Variants in ADRA2C observed in about 807,000 individuals in gnomAD.
The protein encoded by ADRA2C is adrenoceptor alpha 2C.
In ADRA2C, 4 loss-of-function variants were observed where a neutral mutation model predicts 7.9. The observed-to-expected ratio is 0.51, with a 90% CI of 0.25 to 1.16. ADRA2C has a LOEUF of 1.16. ADRA2C is among the 50% of genes most tolerant of loss of function. The pLI is 0.15. For synonymous variants in ADRA2C, 368 were observed against 328.9 expected (o/e 1.12, Z -1.29); for missense variants, 589 against 677.7 (o/e 0.87, Z 1.45).
chr4:3,768,203 C>G lies in ADRA2C; in HGVS notation c.*208C>G, dbSNP rs1398451015. 26 of 723,994 alleles carry G rather than the reference C, an allele frequency of 3.6e-5. No homozygotes were observed. Among genetic ancestry groups the G allele is most frequent in the Non-Finnish European group, 6.4e-5 (25 of 392,692 alleles). 44.8% of individuals were successfully genotyped at this position (723,994 alleles called of 1,614,324 possible). A position where few individuals can be genotyped will look rare whatever the true frequency, so the allele number is the denominator to read the frequency against. ...GGGGGAGACCCCTTTGCCTTCCCCCCTCAGCAAGGGGCTGCTTCTGGGGCT... is the reference window on the plus strand; with the variant it reads ...GGGGGAGACCCCTTTGCCTTCCCCCGTCAGCAAGGGGCTGCTTCTGGGGCT... On this transcript the variant is annotated 3_prime_UTR_variant, in exon 1 of 1. Transcript: ENST00000330055.
rs1368161967 is a variant in ADRA2C, at chr4:3,766,593, C to G, written c.-14C>G. ...CCCGGCTCCAGGAGGGACGGCGTAG[C>G]TCGCGGGAGGACCATGGCGTCCCCG... On this transcript the variant is annotated 5_prime_UTR_variant, in exon 1 of 1. Transcript: ENST00000330055. This position sits in a 1 kb window ranked among gnomAD's most constrained non-coding sequence, Gnocchi z 4.5. 1 of 1,169,894 alleles carries G rather than the reference C, an allele frequency of 8.5e-7. No homozygotes were observed. Among genetic ancestry groups the G allele is most frequent in the South Asian group, 4.2e-5 (1 of 23,882 alleles). 72.5% of individuals were successfully genotyped at this position (1,169,894 alleles called of 1,614,324 possible).
In ADRA2C at chr4:3,766,610, G is replaced by C. The variant is rs1735446536; in HGVS notation, c.4G>C (p.Ala2Pro). ...CGGCGTAGCTCGCGGGAGGACCATG[G>C]CGTCCCCGGCGCTGGCGGCGGCGCT... M[A>P]SPALAAALAV... Residue 2 changes from alanine to proline, a missense_variant, in exon 1 of 1, where the codon GCG (alanine) becomes CCG (proline). Ala to Pro is a conservative substitution (Grantham distance 27). Coordinates refer to ENST00000330055, the MANE Select transcript of ADRA2C (RefSeq NM_000683.4). This position sits in a 1 kb window ranked among gnomAD's most constrained non-coding sequence, Gnocchi z 4.5. 2 of 1,187,628 alleles carry C rather than the reference G, an allele frequency of 1.7e-6. No individual in the cohort carries two copies. The highest frequency in any genetic ancestry group is 9.2e-5 in the Admixed American group (2 of 21,770). 73.6% of individuals were successfully genotyped at this position (1,187,628 alleles called of 1,614,324 possible). A position where few individuals can be genotyped will look rare whatever the true frequency, so the allele number is the denominator to read the frequency against.
rs1419612247 is a variant in ADRA2C, at chr4:3,767,374, G to A, written c.768G>A (p.Ala256=). 1.3e-6 allele frequency: 2 copies of A among 1,539,912 alleles called. No homozygotes were observed. Among genetic ancestry groups the A allele is most frequent in the African/African-American group, 1.4e-5 (1 of 73,114 alleles). Residue 256 remains alanine, a synonymous_variant, in exon 1 of 1, where the codon GCG becomes GCA. Transcript: ENST00000330055. Reference sequence around the variant, plus strand: ...GCGCCCCCGTGGGCCCCGACGGTGCGTCCCCGACTACCGAAAACGGGCTGG... The same window carrying A: ...GCGCCCCCGTGGGCCCCGACGGTGCATCCCCGACTACCGAAAACGGGCTGG... ...EKRAPVGPDG[A]SPTTENGLGA... is the part of the protein sequence containing the mutation.
Position 3,768,155 on chromosome 4 carries a change from C to A in ADRA2C, c.*160C>A. ...GGAGCTTGGCAGAGAGATAGCCGGGCTCCAGGGAGTGGGGAGGAGAGAGGG... is the reference window on the plus strand; with the variant it reads ...GGAGCTTGGCAGAGAGATAGCCGGGATCCAGGGAGTGGGGAGGAGAGAGGG... On this transcript the variant is annotated 3_prime_UTR_variant, in exon 1 of 1. Transcript: ENST00000330055. The A allele has an allele frequency of 1.3e-6, 1 of 762,538 alleles. No homozygotes were observed. The highest frequency in any genetic ancestry group is 1.6e-5 in the South Asian group (1 of 63,446). The allele number at this position is 762,538 out of a possible 1,614,324, so 47.2% of individuals were successfully genotyped here.
Position 3,768,057 on chromosome 4 carries a change from C to A in ADRA2C, c.*62C>A. 2 of 292,938 alleles carry A rather than the reference C, an allele frequency of 6.8e-6. No homozygotes were observed. Among genetic ancestry groups the A allele is most frequent in the Non-Finnish European group, 5.0e-6 (1 of 198,076 alleles). 18.1% of individuals were successfully genotyped at this position (292,938 alleles called of 1,614,324 possible). On this transcript the variant is annotated 3_prime_UTR_variant, in exon 1 of 1. Transcript: ENST00000330055. ...TCGGGGCTGGGCAGAAGGGGCGGCC[C>A]GGACGGGGGAGCTTTCCCAGAGACC... is the stretch of plus-strand genomic sequence containing the variant.
At position 3,766,536 on chromosome 4, in the gene ADRA2C, G is replaced by C. The variant is rs1014638069; in HGVS notation, c.-71G>C. The C allele has an allele frequency of 2.7e-4, 278 of 1,042,570 alleles. 2 individuals are homozygous for C. The African/African-American group carries it at 3.0e-3, about 11-fold the overall frequency. 64.6% of individuals were successfully genotyped at this position (1,042,570 alleles called of 1,614,324 possible). On this transcript the variant is annotated 5_prime_UTR_variant, in exon 1 of 1. Coordinates refer to ENST00000330055, the MANE Select transcript of ADRA2C (RefSeq NM_000683.4). This position sits in a 1 kb window ranked among gnomAD's most constrained non-coding sequence, Gnocchi z 4.5. ...GGCGGCGATGCGGGCGCCGACCCCGGCTGGGGGGCGCCCGAGCTGCCGCGG... is the reference window on the plus strand; with the variant it reads ...GGCGGCGATGCGGGCGCCGACCCCGCCTGGGGGGCGCCCGAGCTGCCGCGG...
At position 3,768,508 on chromosome 4, in the gene ADRA2C, A is replaced by C. The variant is rs1735511391; in HGVS notation, c.*513A>C. 1 of 575,704 alleles carries C rather than the reference A, an allele frequency of 1.7e-6. No homozygotes were observed. The highest frequency in any genetic ancestry group is 3.2e-6 in the Non-Finnish European group (1 of 315,680). The allele number at this position is 575,704 out of a possible 1,614,324, so 35.7% of individuals were successfully genotyped here. ...CCAAAACAACCAAACTATTTTCTAA[A>C]TAAACCTTTGTAATCTAATGTTGGG... On this transcript the variant is annotated 3_prime_UTR_variant, in exon 1 of 1. Transcript: ENST00000330055.
In ADRA2C at chr4:3,766,585, C is replaced by T. The variant is rs1160638286; in HGVS notation, c.-22C>T. ...GGCTGCGCCCCGGCTCCAGGAGGGA[C>T]GGCGTAGCTCGCGGGAGGACCATGG... On this transcript the variant is annotated 5_prime_UTR_variant, in exon 1 of 1. It adds an upstream start codon to the 5' untranslated region. Transcript: ENST00000330055. This position sits in a 1 kb window ranked among gnomAD's most constrained non-coding sequence, Gnocchi z 4.5. 1 of 1,159,896 alleles carries T rather than the reference C, an allele frequency of 8.6e-7. No individual in the cohort carries two copies. Among genetic ancestry groups the T allele is most frequent in the African/African-American group, 1.6e-5 (1 of 61,536 alleles). 71.9% of individuals were successfully genotyped at this position (1,159,896 alleles called of 1,614,324 possible). A position where few individuals can be genotyped will look rare whatever the true frequency, so the allele number is the denominator to read the frequency against.
chr4:3,767,727 A>G lies in ADRA2C; in HGVS notation c.1121A>G (p.Gln374Arg), dbSNP rs1269270569. 6.2e-7 allele frequency: 1 copy of G among 1,611,660 alleles called. No individual in the cohort carries two copies. ...AGCGTGTGCCGCCGCAAGGTGGCCCAGGCGCGCGAGAAGCGCTTCACCTTT... is the reference window on the plus strand; with the variant it reads ...AGCGTGTGCCGCCGCAAGGTGGCCCGGGCGCGCGAGAAGCGCTTCACCTTT... ...RSSVCRRKVA[Q>R]AREKRFTFVL... The change falls in exon 1 of 1, where the codon CAG becomes CGG. Residue 374 changes from glutamine (Q) to arginine (R), a missense_variant. Gln to Arg is a conservative substitution (Grantham distance 43). Coordinates refer to ENST00000330055, the MANE Select transcript of ADRA2C (RefSeq NM_000683.4).
Position 3,767,379 on chromosome 4 carries a change from C to A in ADRA2C, c.773C>A (p.Pro258Gln). Residue 258 changes from proline (P) to glutamine (Q), a missense_variant, in exon 1 of 1, where the codon CCG becomes CAG. Physicochemically the swap from Pro to Gln is moderately conservative, Grantham distance 76. Coordinates refer to ENST00000330055, the MANE Select transcript of ADRA2C (RefSeq NM_000683.4). The part of the protein sequence containing the change: ...RAPVGPDGAS[P>Q]TTENGLGAAA... Reference sequence around the variant, plus strand: ...CCCGTGGGCCCCGACGGTGCGTCCCCGACTACCGAAAACGGGCTGGGCGCG... The same window carrying A: ...CCCGTGGGCCCCGACGGTGCGTCCCAGACTACCGAAAACGGGCTGGGCGCG... The A allele has an allele frequency of 2.6e-6, 4 of 1,538,838 alleles. No individual in the cohort carries two copies. Among genetic ancestry groups the A allele is most frequent in the Non-Finnish European group, 3.5e-6 (4 of 1,146,364 alleles).
In ADRA2C at chr4:3,767,119, C is replaced by T; in HGVS notation, c.513C>T (p.Thr171=). ...LKRTPRRVKA[T]IVAVWLISAV... ...GCACACCACGCCGCGTCAAGGCCAC[C>T]ATCGTGGCCGTGTGGCTCATCTCGG... The change falls in exon 1 of 1, where the codon ACC becomes ACT. Residue 171 remains threonine, a synonymous_variant. Coordinates refer to ENST00000330055, the MANE Select transcript of ADRA2C (RefSeq NM_000683.4). The T allele has an allele frequency of 6.2e-7, 1 of 1,609,142 alleles. No individual in the cohort carries two copies. Among genetic ancestry groups the T allele is most frequent in the Non-Finnish European group, 8.5e-7 (1 of 1,179,854 alleles).
chr4:3,767,788 C>T lies in ADRA2C; in HGVS notation c.1182C>T (p.Cys394=), dbSNP rs1735489095. The change falls in exon 1 of 1, where the codon TGC becomes TGT. Residue 394 remains cysteine (C), a synonymous_variant. Transcript: ENST00000330055. The stretch of plus-strand genomic sequence containing the variant: ...TGGTCATGGGCGTGTTCGTGCTCTG[C>T]TGGTTCCCCTTCTTCTTCAGCTACA... ...LAVVMGVFVL[C]WFPFFFSYSL... The T allele has an allele frequency of 6.2e-7, 1 of 1,613,296 alleles. No homozygotes were observed. The highest frequency in any genetic ancestry group is 8.5e-7 in the Non-Finnish European group (1 of 1,179,858).
chr4:3,768,403 G>C lies in ADRA2C; in HGVS notation c.*408G>C. On this transcript the variant is annotated 3_prime_UTR_variant, in exon 1 of 1. Transcript: ENST00000330055. ...TGACTTCTCCAGGACCTAGTCGGGG[G>C]GTGGCTGCCAGGGGGCAAGGAGAAA... is the stretch of plus-strand genomic sequence containing the variant. 3.2e-6 allele frequency: 2 copies of C among 630,360 alleles called. No homozygotes were observed. Among genetic ancestry groups the C allele is most frequent in the Admixed American group, 5.5e-5 (2 of 36,112 alleles). 39.0% of individuals were successfully genotyped at this position (630,360 alleles called of 1,614,324 possible).
In ADRA2C at chr4:3,766,858, G is replaced by A. The variant is rs1008653401; in HGVS notation, c.252G>A (p.Ala84=). The change falls in exon 1 of 1, where the codon GCG becomes GCA. Residue 84 remains alanine, a synonymous_variant. Transcript: ENST00000330055. The surrounding 1 kb of genome is among the most constrained non-coding windows in gnomAD (Gnocchi z 4.5). The part of the protein sequence containing the change: ...IAVLTSRALR[A]PQNLFLVSLA... ...TGCTGACCAGCCGGGCGCTGCGCGC[G>A]CCACAGAACCTCTTCCTGGTGTCGC... is the stretch of plus-strand genomic sequence containing the variant. The A allele has an allele frequency of 3.8e-6, 6 of 1,599,864 alleles. No individual in the cohort carries two copies. The highest frequency in any genetic ancestry group is 1.3e-5 in the African/African-American group (1 of 74,652).
At position 3,768,199 on chromosome 4, in the gene ADRA2C, C is replaced by T. The variant is rs1388520150; in HGVS notation, c.*204C>T. 4 of 725,794 alleles carry T rather than the reference C, an allele frequency of 5.5e-6. No individual in the cohort carries two copies. Among genetic ancestry groups the T allele is most frequent in the Non-Finnish European group, 1.0e-5 (4 of 394,660 alleles). The allele number at this position is 725,794 out of a possible 1,614,324, so 45.0% of individuals were successfully genotyped here. On this transcript the variant is annotated 3_prime_UTR_variant, in exon 1 of 1. Coordinates refer to ENST00000330055, the MANE Select transcript of ADRA2C (RefSeq NM_000683.4). ...GAGAGGGGGAGACCCCTTTGCCTTC[C>T]CCCCTCAGCAAGGGGCTGCTTCTGG...
In ADRA2C at chr4:3,767,009, T is replaced by C. The variant is rs764847505; in HGVS notation, c.403T>C (p.Cys135Arg). Residue 135 changes from cysteine to arginine, a missense_variant, in exon 1 of 1, where the codon TGC becomes CGC. Physicochemically the swap from Cys to Arg is radical, Grantham distance 180 (BLOSUM62 -3). Transcript: ENST00000330055. ...GVYLALDVLF[C>R]TSSIVHLCAI... ...GTACCTGGCGCTCGATGTGCTGTTT[T>C]GCACCTCGTCGATCGTGCATCTGTG... 6.2e-7 allele frequency: 1 copy of C among 1,611,522 alleles called. No individual in the cohort carries two copies. Among genetic ancestry groups the C allele is most frequent in the East Asian group, 2.2e-5 (1 of 44,854 alleles).
At position 3,766,523 on chromosome 4, in the gene ADRA2C, GGC is replaced by G; in HGVS notation, c.-81_-80del. ...CGCCCGAGCAGCAGGCGGCGATGCGGGCGCCGACCCCGGCTGGGGGGCGCCCG... is the reference window on the plus strand; with the variant it reads ...CGCCCGAGCAGCAGGCGGCGATGCGGGCCGACCCCGGCTGGGGGGCGCCCG... On this transcript the variant is annotated 5_prime_UTR_variant, in exon 1 of 1. An upstream open reading frame in the 5' UTR loses its in-frame stop. Transcript: ENST00000330055. The surrounding 1 kb of genome is among the most constrained non-coding windows in gnomAD (Gnocchi z 4.5). 1 of 981,642 alleles carries G rather than the reference GGC, an allele frequency of 1.0e-6. No homozygotes were observed. Among genetic ancestry groups the G allele is most frequent in the Non-Finnish European group, 1.2e-6 (1 of 820,896 alleles). 60.8% of individuals were successfully genotyped at this position (981,642 alleles called of 1,614,324 possible).
Position 3,767,623 on chromosome 4 carries a change from G to T in ADRA2C, c.1017G>T (p.Pro339=), listed in dbSNP as rs1439302469. The change falls in exon 1 of 1, where the codon CCG becomes CCT. Residue 339 remains proline (P), a synonymous_variant. Coordinates refer to ENST00000330055, the MANE Select transcript of ADRA2C (RefSeq NM_000683.4). ...ESGALTASRS[P]GPGGRLSRAS... ...GGGCGCTGACCGCCTCCAGGTCCCC[G>T]GGGCCCGGTGGCCGCCTGTCGCGCG... The T allele has an allele frequency of 3.7e-6, 5 of 1,354,394 alleles. 1 individual carries two copies. Among genetic ancestry groups the T allele is most frequent in the Middle Eastern group, 5.0e-4 (2 of 3,994 alleles). The allele number at this position is 1,354,394 out of a possible 1,614,324, so 83.9% of individuals were successfully genotyped here.
rs760717093 is a variant in ADRA2C at position 3,766,857 on chromosome 4, C to T, written c.251C>T (p.Ala84Val). The change falls in exon 1 of 1, where the codon GCG (alanine) becomes GTG (valine). Residue 84 changes from alanine to valine, a missense_variant. Ala to Val is a moderately conservative substitution (Grantham distance 64). Transcript: ENST00000330055. The surrounding 1 kb of genome is among the most constrained non-coding windows in gnomAD (Gnocchi z 4.5). ...IAVLTSRALRAPQNLFLVSLA... is the reference protein window; with the variant it reads ...IAVLTSRALRVPQNLFLVSLA... Reference sequence around the variant, plus strand: ...GTGCTGACCAGCCGGGCGCTGCGCGCGCCACAGAACCTCTTCCTGGTGTCG... The same window carrying T: ...GTGCTGACCAGCCGGGCGCTGCGCGTGCCACAGAACCTCTTCCTGGTGTCG... The T allele has an allele frequency of 2.5e-6, 4 of 1,599,408 alleles. No homozygotes were observed. The South Asian group carries it at 4.5e-5, about 18-fold the overall frequency.
Sources: allele counts gnomAD v4.1 joint callset, GRCh38; gene constraint gnomAD v4.1.1; non-coding constraint Gnocchi (gnomAD v3.1); transcripts MANE v1.5; gene names NCBI Gene and HGNC (gene_info 2026-07-23, HGNC 2026-07-21).